TSPAN14: variants seen among roughly 807,000 people sequenced by gnomAD.
TSPAN14 encodes tetraspanin 14, also known as tetraspanin-14.
In TSPAN14, 16 loss-of-function variants were observed where a neutral mutation model predicts 36.6. The observed-to-expected ratio is 0.44, with a 90% CI of 0.30 to 0.66. The LOEUF is 0.66. Ranked by LOEUF, TSPAN14 falls within the 30% of genes least tolerant of loss-of-function variation. The pLI is 0.12. For synonymous variants in TSPAN14, 139 were observed against 143.8 expected, an observed-to-expected ratio of 0.97 and a Z score of 0.24; for missense variants, 231 against 355.1, an observed-to-expected ratio of 0.65 and a Z score of 2.81.
chr10:80,516,966 T>C (rs567002795), intron 8 of TSPAN14, among the ~76,000 whole-genome samples: 2 of 152,268 alleles, frequency 1.3e-5, no homozygotes, highest in African/African-American at 2.4e-5. Context: ...CTGGGCTGGT[T>C]GGTGACTGCT....
intron 5 of TSPAN14, among the ~76,000 whole-genome samples, chr10:80,511,710 TCCTCTCTC>T (rs1205080799): frequency 7.7e-5 from 4 of 52,274 alleles, no homozygotes; most frequent in South Asian, 6.8e-4. Flanking sequence ...AAAGGGCAGG[TCCTCTCTC>T]TCTCTCTCTC....
intron 1 of TSPAN14, among the ~76,000 whole-genome samples, chr10:80,476,100 G>A (rs189971051): frequency 4.3e-4 from 66 of 152,272 alleles, no homozygotes; most frequent in African/African-American, 1.3e-3. Flanking sequence ...GGCTGGGTGC[G>A]GGGGCTCACG....
At position 80,518,118 on chromosome 10, in the gene TSPAN14, C is replaced by T. The variant is rs962274401; in HGVS notation, c.*142C>T. 6 of 856,922 alleles carry T rather than the reference C, an allele frequency of 7.0e-6. No homozygotes were observed. In the East Asian group the frequency reaches 1.3e-4, roughly 19 times the overall value. 53.1% of individuals were successfully genotyped at this position (856,922 alleles called of 1,614,324 possible). ...TAAGCATCAGCGTGACGTGACCTCT[C>T]TGTTTCTGCTTGCTGGTGCTGAAGA... On this transcript the variant is annotated 3_prime_UTR_variant, in exon 9 of 9. Transcript: ENST00000429989.
At chr10:80,495,335 C>CTGTGTGTGTGTGTGTGTG (rs3041272) in intron 2 of TSPAN14, among the ~76,000 whole-genome samples, 3 of 135,652 alleles carry the variant, frequency 2.2e-5, no homozygotes, top group Non-Finnish European at 3.1e-5. Flanking sequence ...TCTTTTGGCA[C>CTGTGTGTGTGTGTGTGTG]TGTGTGTGTG....
intron 2 of TSPAN14, among the ~76,000 whole-genome samples, chr10:80,500,412 C>A (rs1589284301): frequency 6.7e-6 from 1 of 149,564 alleles, no homozygotes; most frequent in South Asian, 2.1e-4. Context: ...TCACCGCAAC[C>A]TCCACCTCCC....
intron 1 of TSPAN14, among the ~76,000 whole-genome samples, chr10:80,476,948 C>CTGGGAAGGCTCTGGAGGCTCTAGAAG (rs1846951375): frequency 1.3e-5 from 2 of 152,158 alleles, no homozygotes; most frequent in Non-Finnish European, 1.5e-5. Context: ...TCTGGAGGCT[C>CTGGGAAGGCTCTGGAGGCTCTAGAAG]TGGGAAGAAT....
intron 8 of TSPAN14, 107 bp from the exon 9 acceptor site, chr10:80,517,798 G>T (rs1242128716): frequency 9.4e-7 from 1 of 1,060,640 alleles, no homozygotes; most frequent in Admixed American, 2.0e-5. Context: ...CGCAGCTGGG[G>T]GGTGAGGAGA....
chr10:80,505,347 A>G (rs928741444), intron 3 of TSPAN14, among the ~76,000 whole-genome samples: 2 of 150,968 alleles, frequency 1.3e-5, no homozygotes, highest in Non-Finnish European at 3.0e-5. Context: ...GAGACTGGAT[A>G]TGGGCAGGGT....
At chr10:80,479,601 G>T (rs1036718191) in intron 1 of TSPAN14, among the ~76,000 whole-genome samples, 1 of 152,150 alleles carries the variant, frequency 6.6e-6, no homozygotes, top group Non-Finnish European at 1.5e-5. Flanking sequence ...TCAGATAGTT[G>T]TAGATATGTG....
intron 2 of TSPAN14, among the ~76,000 whole-genome samples, chr10:80,489,603 C>A (rs1189328857): frequency 2.0e-5 from 3 of 152,230 alleles, no homozygotes; most frequent in Non-Finnish European, 4.4e-5. Context: ...GCCCCCTGTT[C>A]CGATCCTGGG....
intron 1 of TSPAN14, among the ~76,000 whole-genome samples, chr10:80,486,775 G>C (rs1157554011): frequency 1.3e-5 from 2 of 152,122 alleles, no homozygotes; most frequent in Non-Finnish European, 2.9e-5. Context: ...GCCTCATAAG[G>C]CATTTCCAGC....
chr10:80,491,846 G>A (rs2132017788), intron 2 of TSPAN14, among the ~76,000 whole-genome samples: 1 of 152,304 alleles, frequency 6.6e-6, no homozygotes. Context: ...ACATGAGAGA[G>A]CTTGGTTGGG....
chr10:80,509,544 G>A lies in TSPAN14; in HGVS notation c.450+73G>A. The A allele has an allele frequency of 6.6e-7, 1 of 1,519,774 alleles. No individual in the cohort carries two copies. Among genetic ancestry groups the A allele is most frequent in the Non-Finnish European group, 8.9e-7 (1 of 1,118,386 alleles). The allele number at this position is 1,519,774 out of a possible 1,614,324, so 94.1% of individuals were successfully genotyped here. On this transcript the variant is annotated intron_variant, in intron 5 of 8. Coordinates refer to ENST00000429989, the Ensembl canonical transcript of TSPAN14. This position sits in a 1 kb window ranked among gnomAD's most constrained non-coding sequence, Gnocchi z 4.7. Reference sequence around the variant, plus strand: ...GCTGCCTGGAGCTGAGTCTAGCAGGGGCATCAGGCCTTCTCTGTGGGTTGT... The same window carrying A: ...GCTGCCTGGAGCTGAGTCTAGCAGGAGCATCAGGCCTTCTCTGTGGGTTGT...
chr10:80,485,575 C>T, intron 1 of TSPAN14: 1 of 954,058 alleles, frequency 1.0e-6, no homozygotes, highest in Non-Finnish European at 1.2e-6. Context: ...AGGCTGGAGT[C>T]CTAATGAGTC....
chr10:80,461,010 G>C (rs550397657), intron 1 of TSPAN14, among the ~76,000 whole-genome samples: 1 of 152,086 alleles, frequency 6.6e-6, no homozygotes, highest in Admixed American at 6.6e-5. Context: ...CCTTCTAGCC[G>C]GAGCTCCTGG....
intron 1 of TSPAN14, chr10:80,466,662 G>A (rs1053450176): frequency 3.9e-5 from 6 of 152,110 alleles, no homozygotes; most frequent in African/African-American, 1.4e-4. Context: ...TGGGGGGTGG[G>A]GTATGTTAAC....
exon 9 of TSPAN14, chr10:80,520,238 C>G: frequency 4.5e-6 from 1 of 221,556 alleles, no homozygotes; most frequent in Non-Finnish European, 9.1e-6. Context: ...TCCTGTAGAC[C>G]TGGTTTAGGA....
intron 2 of TSPAN14, among the ~76,000 whole-genome samples, chr10:80,494,552 C>T (rs1009920692): frequency 2.6e-5 from 4 of 152,156 alleles, no homozygotes; most frequent in Non-Finnish European, 5.9e-5. Context: ...GTCTTATTCT[C>T]TTCCTCTGAC....
At chr10:80,465,198 C>A (rs1564709804) in intron 1 of TSPAN14, among the ~76,000 whole-genome samples, 1 of 152,104 alleles carries the variant, frequency 6.6e-6, no homozygotes, top group Non-Finnish European at 1.5e-5. Context: ...CCCGGCCCAG[C>A]TGTGCCCTTG....
Sources: allele counts gnomAD v4.1 joint callset (sites outside exome capture counted in the v4.1 genomes callset), GRCh38; gene constraint gnomAD v4.1.1; non-coding constraint Gnocchi (gnomAD v3.1); transcripts MANE v1.5; gene names NCBI Gene and HGNC (gene_info 2026-07-23, HGNC 2026-07-21).